Variants in DCDC1 observed in about 807,000 individuals in gnomAD.
The protein encoded by DCDC1 is doublecortin domain-containing protein 1.
A neutral mutation model predicts 178.3 loss-of-function variants in DCDC1; 200 were observed. The observed-to-expected ratio is 1.12, with a 90% confidence interval of 1.00 to 1.26. The LOEUF (loss-of-function observed/expected upper bound fraction) is 1.26. Ranked by LOEUF, DCDC1 falls within the 50% of genes most tolerant of loss-of-function variation. The pLI, the probability that DCDC1 is intolerant of heterozygous loss-of-function variation, is 0.00. For synonymous variants in DCDC1, 690 were observed against 604.8 expected (o/e 1.14, Z -2.07); for missense variants, 1,983 against 1,749.2 (o/e 1.13, Z -2.38).
rs1945880760 is a variant in DCDC1, at chr11:30,916,909, T to G, written c.3413A>C (p.Lys1138Thr). The G allele has an allele frequency of 6.2e-7, 1 of 1,609,082 alleles. No homozygotes were observed. The highest frequency in any genetic ancestry group is 1.7e-5 in the Admixed American group (1 of 59,352). ...EDDSLPKKTE[K>T]GLFENVEPQK... ...TGGTTCCACATTTTCAAAGAGCCCT[T>G]TTTCCGTTTTCTTTGGAAGACTGTC... Residue 1138 changes from lysine to threonine, a missense_variant, in exon 26 of 39, where the codon AAA (lysine) becomes ACA (threonine). Coordinates refer to ENST00000684477, the MANE Select transcript of DCDC1 (RefSeq NM_001387274.1).
intron 17 of DCDC1, among the ~76,000 whole-genome samples, chr11:31,081,587 G>T (rs1455612966): frequency 2.6e-5 from 4 of 151,752 alleles, no homozygotes; most frequent in Non-Finnish European, 4.4e-5. Flanking sequence ...TGCAGCCTGG[G>T]CAACAAGAGT....
chr11:31,263,015 T>C (rs1453885772), intron 8 of DCDC1: 18 of 1,607,398 alleles, frequency 1.1e-5, no homozygotes, highest in Non-Finnish European at 1.5e-5. Flanking sequence ...GAAGCACGAG[T>C]CATGAATCCG....
chr11:31,064,374 A>T (rs1956134423), intron 20 of DCDC1, 95 bp downstream of exon 20: 4 of 636,900 alleles, frequency 6.3e-6, no homozygotes, highest in Non-Finnish European at 1.1e-5. Flanking sequence ...CTTTTGAGAT[A>T]TTTCAATTAT....
At chr11:31,066,661 G>A (rs1056940425) in intron 18 of DCDC1, among the ~76,000 whole-genome samples, 5 of 152,170 alleles carry the variant, frequency 3.3e-5, no homozygotes, top group Non-Finnish European at 7.4e-5. Flanking sequence ...CATAAGAGTC[G>A]ATCTGAAAAG....
In DCDC1 at chr11:30,914,132, A is replaced by C. The variant is rs1590341647; in HGVS notation, c.3653+1379T>G. ...AATGAATTCTGGTTCCATATGGCAAACCATTCACAGAAACAAAAGCCTGCT... is the reference window on the plus strand; with the variant it reads ...AATGAATTCTGGTTCCATATGGCAACCCATTCACAGAAACAAAAGCCTGCT... On this transcript the variant is annotated intron_variant, in intron 27 of 38. Transcript: ENST00000684477. 2.0e-5 allele frequency among the ~76,000 whole-genome samples: 3 copies of C among 152,352 alleles called. No homozygotes were observed. In the Middle Eastern group the frequency reaches 0.01, roughly 518 times the overall value.
rs528801172 is a variant in DCDC1, at chr11:31,332,981, T to C, written c.-7+2466A>G. ...GATCTGTCTAATACTGACAGTGGGG[T>C]GTTAAAGTCTCCCATTATTATTGTG... is the stretch of plus-strand genomic sequence containing the variant. On this transcript the variant is annotated intron_variant, in intron 2 of 38. Coordinates refer to ENST00000684477, the MANE Select transcript of DCDC1 (RefSeq NM_001387274.1). Among the ~76,000 whole-genome samples the C allele has an allele frequency of 3.9e-5, 6 of 152,242 alleles. No individual in the cohort carries two copies. The East Asian group carries it at 1.2e-3, about 29-fold the overall frequency.
At chr11:31,144,609 T>C (rs1319058061) in intron 9 of DCDC1, among the ~76,000 whole-genome samples, 1 of 152,234 alleles carries the variant, frequency 6.6e-6, no homozygotes, top group Admixed American at 6.5e-5. Flanking sequence ...GTTTGGTAAG[T>C]TAAAACACAT....
intron 20 of DCDC1, among the ~76,000 whole-genome samples, chr11:30,954,965 T>C (rs570350481): frequency 6.6e-6 from 1 of 152,326 alleles, no homozygotes; most frequent in East Asian, 1.9e-4. Flanking sequence ...TAAAGAGAAA[T>C]GGAAAGTTCA....
chr11:30,884,033 A>ATTTTTTTT lies in DCDC1; in HGVS notation c.5083-2733_5083-2726dup, dbSNP rs59940255. On this transcript the variant is annotated intron_variant, in intron 36 of 38. Coordinates refer to ENST00000684477, the MANE Select transcript of DCDC1 (RefSeq NM_001387274.1). ...AAAGAAAACCAAAGCATTCTTTCTC[A>ATTTTTTTT]TTTTTTTTTTTTTTTGAGACAGGGT... Among the ~76,000 whole-genome samples the ATTTTTTTT allele has an allele frequency of 3.4e-3, 327 of 95,746 alleles. 23 individuals carry two copies. The highest frequency in any genetic ancestry group is 0.013 in the African/African-American group (294 of 22,606). 62.8% of individuals were successfully genotyped at this position (95,746 alleles called of 152,430 possible). A position where few individuals can be genotyped will look rare whatever the true frequency, so the allele number is the denominator to read the frequency against.
At chr11:30,923,775 C>T (rs578062412) in intron 23 of DCDC1, among the ~76,000 whole-genome samples, 1 of 151,998 alleles carries the variant, frequency 6.6e-6, no homozygotes, top group African/African-American at 2.4e-5. Context: ...TGCCACCATG[C>T]CCAGCTAATT....
chr11:31,149,556 G>A (rs1220941564), intron 9 of DCDC1, among the ~76,000 whole-genome samples: 3 of 152,052 alleles, frequency 2.0e-5, no homozygotes, highest in African/African-American at 7.2e-5. Flanking sequence ...CGCTGTGGAA[G>A]CTTTGTTCTT....
At chr11:31,206,248 A>C (rs1019131534) in intron 9 of DCDC1, among the ~76,000 whole-genome samples, 10 of 152,138 alleles carry the variant, frequency 6.6e-5, no homozygotes, top group African/African-American at 2.2e-4. Context: ...CTCAAAGCCC[A>C]TTGCTGAGAG....
At chr11:30,903,373 C>A in intron 32 of DCDC1, 109 bp downstream of exon 32, 1 of 1,114,976 alleles carries the variant, frequency 9.0e-7, no homozygotes, top group East Asian at 2.8e-5. Flanking sequence ...AAAGTAGCTT[C>A]CTATGATTTT....
At chr11:30,878,447 C>G (rs1435866696) in intron 38 of DCDC1, 97 bp downstream of exon 38, 2 of 1,185,834 alleles carry the variant, frequency 1.7e-6, no homozygotes, top group East Asian at 5.7e-5. Context: ...GAGCAAGAAC[C>G]TGTCTCAGAA....
intron 36 of DCDC1, among the ~76,000 whole-genome samples, chr11:30,885,862 C>T (rs2134001467): frequency 6.6e-6 from 1 of 152,128 alleles, no homozygotes; most frequent in African/African-American, 2.4e-5. Context: ...GGAAAATAAT[C>T]AGAAAATAAA....
At chr11:31,252,730 T>C (rs1944132474) in intron 8 of DCDC1, among the ~76,000 whole-genome samples, 1 of 152,072 alleles carries the variant, frequency 6.6e-6, no homozygotes, top group Admixed American at 6.6e-5. Context: ...CATATTCAAA[T>C]ATATGAAAGG....
Position 30,931,769 on chromosome 11 carries a change from A to G in DCDC1, c.2897+2T>C. 1.2e-6 allele frequency: 2 copies of G among 1,608,298 alleles called. No individual in the cohort carries two copies. The highest frequency in any genetic ancestry group is 1.7e-6 in the Non-Finnish European group (2 of 1,177,126). ...TAATAAGTATGAACAAGTTGTTCTT[A>G]CTGCGTTTTCCGTCCAGGTGAGATA... is the stretch of plus-strand genomic sequence containing the variant. On this transcript the variant is annotated splice_donor_variant, in intron 22 of 38. Transcript: ENST00000684477. LOFTEE classifies it high-confidence loss of function.
chr11:31,088,975 C>T (rs891506165), intron 17 of DCDC1, among the ~76,000 whole-genome samples: 48 of 152,272 alleles, frequency 3.2e-4, no homozygotes, highest in South Asian at 6.2e-4. Context: ...GCTGGAATTA[C>T]GGGCATGAGC....
At chr11:31,350,681 G>C (rs970875665) in intron 1 of DCDC1, among the ~76,000 whole-genome samples, 5 of 152,084 alleles carry the variant, frequency 3.3e-5, no homozygotes, top group Non-Finnish European at 7.4e-5. Context: ...TTGTTCTGTT[G>C]TACTTAAATG....
Sources: allele counts gnomAD v4.1 joint callset (sites outside exome capture counted in the v4.1 genomes callset), GRCh38; gene constraint gnomAD v4.1.1; transcripts MANE v1.5; gene names NCBI Gene and HGNC (gene_info 2026-07-23, HGNC 2026-07-21).